The following BCAN variants were observed in gnomAD, a reference collection of about 807,000 sequenced individuals.
BCAN encodes the protein brevican core protein.
Under a neutral mutation model 92.4 loss-of-function variants are expected in BCAN, and 51 were observed. The ratio of observed to expected loss-of-function variants is 0.55; its 90% CI spans 0.44 to 0.70. The LOEUF is 0.70. BCAN is among the 30% of genes least tolerant of loss of function. The pLI is 0.00. For missense variants in BCAN, 1,140 were observed against 1,212.1 expected (o/e 0.94, Z 0.88); for synonymous variants, 501 against 505.2 (o/e 0.99, Z 0.11).
intron 1 of BCAN, among the ~76,000 whole-genome samples, chr1:156,645,742 G>A (rs1678941176): frequency 6.6e-6 from 1 of 152,148 alleles, no homozygotes; most frequent in South Asian, 2.1e-4. Context: ...AAAGCACATG[G>A]TCCTATCTCA....
At position 156,658,007 on chromosome 1, in the gene BCAN, C is replaced by G. The variant is rs1266967733; in HGVS notation, c.2293-120C>G. 2.5e-6 allele frequency: 3 copies of G among 1,221,652 alleles called. No individual in the cohort carries two copies. The highest frequency in any genetic ancestry group is 3.4e-6 in the Non-Finnish European group (3 of 872,834). 75.7% of individuals were successfully genotyped at this position (1,221,652 alleles called of 1,614,324 possible). A position where few individuals can be genotyped will look rare whatever the true frequency, so the allele number is the denominator to read the frequency against. ...CCCTTCCCCGGGAGATCCCCTACCC[C>G]CTAGCCCTAACCTTCCCTCTCCTGG... On this transcript the variant is annotated intron_variant, in intron 11 of 13. Transcript: ENST00000329117. This position sits in a 1 kb window ranked among gnomAD's most constrained non-coding sequence, Gnocchi z 4.4.
chr1:156,646,451 A>C (rs952907248), intron 2 of BCAN: 10 of 492,450 alleles, frequency 2.0e-5, no homozygotes, highest in South Asian at 3.9e-5. Flanking sequence ...TAAAGGGAGC[A>C]GACTGGGAAA....
Position 156,656,262 on chromosome 1 carries a change from C to A in BCAN, c.1943-20C>A. The A allele has an allele frequency of 6.8e-7, 1 of 1,464,696 alleles. No homozygotes were observed. 90.7% of individuals were successfully genotyped at this position (1,464,696 alleles called of 1,614,324 possible). ...TGCGGCTGCCTCGCTCCCCCCGCCT[C>A]ACTTCTTTCCCCCTCTCAGGTGACT... On this transcript the variant is annotated intron_variant, in intron 8 of 13. Coordinates refer to ENST00000329117, the MANE Select transcript of BCAN (RefSeq NM_021948.5).
In BCAN at chr1:156,647,585, A is replaced by T; in HGVS notation, c.544A>T (p.Ile182Phe). 1 of 1,612,986 alleles carries T rather than the reference A, an allele frequency of 6.2e-7. No homozygotes were observed. Among genetic ancestry groups the T allele is most frequent in the Non-Finnish European group, 8.5e-7 (1 of 1,179,636 alleles). Residue 182 changes from isoleucine (I) to phenylalanine (F), a missense_variant, in exon 4 of 14, where the codon ATT becomes TTT. By Grantham distance (21) the Ile-to-Phe change is conservative. Around this residue, in one of 3 missense-constraint regions of BCAN, gnomAD observed 286 missense variants for 284.1 expected, o/e 1.01. Coordinates refer to ENST00000329117, the MANE Select transcript of BCAN (RefSeq NM_021948.5). This position sits in a 1 kb window ranked among gnomAD's most constrained non-coding sequence, Gnocchi z 4.8. Reference sequence around the variant, plus strand: ...TGGGGCCCAGGAGGCCTGTGCCCGCATTGGAGCCCACATCGCCACCCCGGA... The same window carrying T: ...TGGGGCCCAGGAGGCCTGTGCCCGCTTTGGAGCCCACATCGCCACCCCGGA... ...FSGAQEACAR[I>F]GAHIATPEQL...
At chr1:156,653,137 T>G in intron 8 of BCAN, 2 of 1,402,898 alleles carry the variant, frequency 1.4e-6, no homozygotes, top group South Asian at 1.7e-5. Context: ...TCTGTGACCC[T>G]TCCCTGCCAT....
Position 156,658,030 on chromosome 1 carries a change from TG to T in BCAN, c.2293-93del. On this transcript the variant is annotated intron_variant, in intron 11 of 13. Coordinates refer to ENST00000329117, the MANE Select transcript of BCAN (RefSeq NM_021948.5). The surrounding 1 kb of genome is among the most constrained non-coding windows in gnomAD (Gnocchi z 4.4). The stretch of plus-strand genomic sequence containing the variant: ...CCCCTAGCCCTAACCTTCCCTCTCC[TG>T]GGGCCCCGCTCACCAGCCCTCCTCC... 2 of 1,452,600 alleles carry T rather than the reference TG, an allele frequency of 1.4e-6. No individual in the cohort carries two copies. Among genetic ancestry groups the T allele is most frequent in the Non-Finnish European group, 1.9e-6 (2 of 1,065,074 alleles). The allele number at this position is 1,452,600 out of a possible 1,614,324, so 90.0% of individuals were successfully genotyped here.
At chr1:156,657,604 G>A in intron 10 of BCAN, 71 bp from the exon 11 acceptor site, 1 of 1,358,856 alleles carries the variant, frequency 7.4e-7, no homozygotes, top group Non-Finnish European at 1.0e-6. Flanking sequence ...AGTCACCGCA[G>A]ACCGCCCGGG....
At chr1:156,657,618 G>T in intron 10 of BCAN, 57 bp from the exon 11 acceptor site, 1 of 1,463,054 alleles carries the variant, frequency 6.8e-7, no homozygotes, top group Non-Finnish European at 9.4e-7. Flanking sequence ...GCCCGGGAGC[G>T]GGGAACGGCC....
chr1:156,645,315 C>T (rs181427855), intron 1 of BCAN, among the ~76,000 whole-genome samples: 11 of 152,256 alleles, frequency 7.2e-5, no homozygotes, highest in Middle Eastern at 6.8e-3. Flanking sequence ...GTGGGAAAGC[C>T]CGTGCCAGGC....
rs1679070429 is a variant in BCAN at position 156,648,852 on chromosome 1, T to C, written c.1054T>C (p.Cys352Arg). 2.6e-6 allele frequency: 4 copies of C among 1,564,166 alleles called. No individual in the cohort carries two copies. Among genetic ancestry groups the C allele is most frequent in the Non-Finnish European group, 3.5e-6 (4 of 1,147,290 alleles). The change falls in exon 6 of 14, where the codon TGC (cysteine) becomes CGC (arginine). Residue 352 changes from cysteine (C) to arginine (R), a missense_variant. Coordinates refer to ENST00000329117, the MANE Select transcript of BCAN (RefSeq NM_021948.5). Reference sequence around the variant, plus strand: ...TAAGCACAGCCGCTTCAACGTCTACTGCTTCCGAGGTGAGCCCACCTCCCT... The same window carrying C: ...TAAGCACAGCCGCTTCAACGTCTACCGCTTCCGAGGTGAGCCCACCTCCCT... ...PNKHSRFNVY[C>R]FRDSAQPSAI...
intron 10 of BCAN, 67 bp from the exon 11 acceptor site, chr1:156,657,608 G>T (rs1679378588): frequency 1.4e-6 from 2 of 1,389,662 alleles, no homozygotes; most frequent in African/African-American, 1.5e-5. Context: ...ACCGCAGACC[G>T]CCCGGGAGCG....
At chr1:156,657,891 T>C in intron 11 of BCAN, 134 bp downstream of exon 11, 2 of 841,138 alleles carry the variant, frequency 2.4e-6, no homozygotes, top group Non-Finnish European at 3.6e-6. Context: ...CCTGTGCCTC[T>C]TCTCCCTGGG....
chr1:156,652,476 C>A lies in BCAN; in HGVS notation c.1526C>A (p.Ala509Glu). 1.9e-6 allele frequency: 3 copies of A among 1,605,280 alleles called. No homozygotes were observed. Among genetic ancestry groups the A allele is most frequent in the South Asian group, 2.2e-5 (2 of 89,864 alleles). ...PAAQEESLSQ[A>E]PARAVLQPGA... ...GCCCAGGAGGAGTCACTCTCCCAGG[C>A]GCCAGCAAGGGCAGTCCTGCAGCCT... The change falls in exon 8 of 14, where the codon GCG becomes GAG. Residue 509 changes from alanine (A) to glutamate (E), a missense_variant. By Grantham distance (107) the Ala-to-Glu change is moderately radical. Around this residue, in one of 3 missense-constraint regions of BCAN, gnomAD observed 825 missense variants for 871.8 expected, o/e 0.95. Coordinates refer to ENST00000329117, the MANE Select transcript of BCAN (RefSeq NM_021948.5).
chr1:156,658,853 T>G lies in BCAN; in HGVS notation c.2628+120T>G. 1 of 1,451,916 alleles carries G rather than the reference T, an allele frequency of 6.9e-7. No homozygotes were observed. 89.9% of individuals were successfully genotyped at this position (1,451,916 alleles called of 1,614,324 possible). A position where few individuals can be genotyped will look rare whatever the true frequency, so the allele number is the denominator to read the frequency against. ...CCTTGGAGCCATCACTGCCCCTCTC[T>G]GAGGCAAAGGGGAAGAGGTGGGCTG... On this transcript the variant is annotated intron_variant, in intron 13 of 13. Transcript: ENST00000329117. The surrounding 1 kb of genome is among the most constrained non-coding windows in gnomAD (Gnocchi z 4.4).
intron 10 of BCAN, 97 bp downstream of exon 10, chr1:156,657,193 C>G (rs1428564655): frequency 1.4e-6 from 2 of 1,462,790 alleles, no homozygotes; most frequent in South Asian, 1.3e-5. Flanking sequence ...GCACTTATTC[C>G]TTGGTTTTCT....
chr1:156,654,095 C>T (rs964724848), intron 8 of BCAN, among the ~76,000 whole-genome samples: 20 of 152,200 alleles, frequency 1.3e-4, no homozygotes, highest in African/African-American at 4.8e-4. Context: ...GCTTCACCCT[C>T]CCCAGACCCA....
chr1:156,653,150 G>C (rs1019666311), intron 8 of BCAN: 11 of 1,396,672 alleles, frequency 7.9e-6, no homozygotes, highest in Non-Finnish European at 9.2e-6. Context: ...CCTGCCATTG[G>C]GCCCTCCACC....
At chr1:156,657,899 G>A (rs1202090726) in intron 11 of BCAN, 142 bp downstream of exon 11, 11 of 824,864 alleles carry the variant, frequency 1.3e-5, no homozygotes, top group Non-Finnish European at 2.0e-5. Context: ...TCTTCTCCCT[G>A]GGCTCTCCTC....
At position 156,652,885 on chromosome 1, in the gene BCAN, C is replaced by G. The variant is rs764243051; in HGVS notation, c.1935C>G (p.Pro645=). 4 of 1,613,576 alleles carry G rather than the reference C, an allele frequency of 2.5e-6. No homozygotes were observed. The highest frequency in any genetic ancestry group is 2.2e-5 in the South Asian group (2 of 91,074). ...GCCGAGGTGGAGTGGCCGTGGTCCC[C>G]GCATCAGGTAATTCTGCCCAAGGCT... The part of the protein sequence containing the change: ...SASRGGVAVV[P]ASGDCVPSPC... Residue 645 remains proline, a synonymous_variant, in exon 8 of 14, where the codon CCC becomes CCG. Transcript: ENST00000329117.
Sources: gnomAD v4.1 joint callset for allele counts (sites outside exome capture counted in the v4.1 genomes callset) on GRCh38, gnomAD v4.1.1 for gene constraint, gnomAD v4.1.1 regional missense constraint, Gnocchi (gnomAD v3.1) non-coding constraint, MANE v1.5 for transcripts, NCBI Gene and HGNC (gene_info 2026-07-23, HGNC 2026-07-21) for gene names.